Variants in INPP5A observed in about 807,000 individuals in gnomAD.
INPP5A encodes 43 kDa inositol polyphosphate 5-phophatase.
Under a neutral mutation model 65.2 loss-of-function variants are expected in INPP5A, and 14 were observed. The observed-to-expected ratio is 0.21, with a 90% CI of 0.14 to 0.34. The LOEUF (loss-of-function observed/expected upper bound fraction) is 0.34. INPP5A is among the 10% of genes least tolerant of loss of function. The pLI, the probability that INPP5A is intolerant of heterozygous loss-of-function variation, is 1.00. For missense variants in INPP5A, 431 were observed against 545.6 expected, an observed-to-expected ratio of 0.79 and a Z score of 2.09; for synonymous variants, 207 against 208.3, an observed-to-expected ratio of 0.99 and a Z score of 0.05.
chr10:132,673,793 C>T (rs1227089437), intron 4 of INPP5A, among the ~76,000 whole-genome samples: 1 of 152,218 alleles, frequency 6.6e-6, no homozygotes, highest in Non-Finnish European at 1.5e-5. Context: ...TCTGCCCTTC[C>T]CATGATGGAA....
intron 6 of INPP5A, 53 bp from the exon 7 acceptor site, chr10:132,708,260 G>A (rs1845570939): frequency 3.9e-6 from 6 of 1,545,520 alleles, no homozygotes; most frequent in Non-Finnish European, 5.4e-6. Context: ...GGACCCACGT[G>A]TTGCTCTTGC....
chr10:132,548,202 G>T (rs1198357996), intron 1 of INPP5A, among the ~76,000 whole-genome samples: 1 of 152,112 alleles, frequency 6.6e-6, no homozygotes, highest in African/African-American at 2.4e-5. Context: ...TTCGGGTTCT[G>T]CTCAAATGGG....
chr10:132,756,445 TGTC>T (rs1284545689), intron 11 of INPP5A, among the ~76,000 whole-genome samples: 42 of 148,626 alleles, frequency 2.8e-4, no homozygotes, highest in African/African-American at 3.4e-4. Flanking sequence ...CGTCACATAA[TGTC>T]GTTTCAGTCA....
intron 13 of INPP5A, among the ~76,000 whole-genome samples, chr10:132,779,281 G>A (rs1258786489): frequency 1.3e-5 from 2 of 152,250 alleles, no homozygotes; most frequent in African/African-American, 4.8e-5. Context: ...CCAGTCCCTC[G>A]GTGCCACATG....
At chr10:132,580,521 G>A (rs1372408093) in intron 1 of INPP5A, among the ~76,000 whole-genome samples, 1 of 152,244 alleles carries the variant, frequency 6.6e-6, no homozygotes, top group East Asian at 1.9e-4. Context: ...TCTCAGGTAA[G>A]TCTTCATGGC....
chr10:132,609,320 C>T (rs56092448), intron 2 of INPP5A, among the ~76,000 whole-genome samples: 13,312 of 152,288 alleles, frequency 0.087, 780 homozygotes, highest in East Asian at 0.23. Context: ...TTGAAGCTGC[C>T]GTGCCACCCC....
chr10:132,660,090 A>G (rs1038439722), intron 4 of INPP5A, among the ~76,000 whole-genome samples: 2 of 152,258 alleles, frequency 1.3e-5, no homozygotes, highest in African/African-American at 4.8e-5. Flanking sequence ...TGCGTGACAC[A>G]CGGCACATTA....
Position 132,545,116 on chromosome 10 carries a change from G to C in INPP5A, c.75+6945G>C, listed in dbSNP as rs974921246. Among the ~76,000 whole-genome samples the C allele has an allele frequency of 6.6e-6, 1 of 152,064 alleles. No individual in the cohort carries two copies. The highest frequency in any genetic ancestry group is 2.4e-5 in the African/African-American group (1 of 41,386). On this transcript the variant is annotated intron_variant, in intron 1 of 15. Transcript: ENST00000368594. This position sits in a 1 kb window ranked among gnomAD's most constrained non-coding sequence, Gnocchi z 4.6. Reference sequence around the variant, plus strand: ...CAGCACCACTGAGGAGTGTCTGTCCGTGTGGAGTTGTGGGGCAGGTGGAGC... The same window carrying C: ...CAGCACCACTGAGGAGTGTCTGTCCCTGTGGAGTTGTGGGGCAGGTGGAGC...
At chr10:132,719,832 C>T (rs541386730) in intron 8 of INPP5A, among the ~76,000 whole-genome samples, 1 of 149,602 alleles carries the variant, frequency 6.7e-6, no homozygotes, top group East Asian at 2.0e-4. Context: ...CCTTAGACGA[C>T]TGTCTTCAGG....
chr10:132,540,149 G>A (rs2133237839), intron 1 of INPP5A, among the ~76,000 whole-genome samples: 1 of 152,350 alleles, frequency 6.6e-6, no homozygotes. Flanking sequence ...GAAATGTCAG[G>A]AGCATTAAGC....
chr10:132,617,078 A>C (rs539913207), intron 2 of INPP5A, among the ~76,000 whole-genome samples: 1 of 152,140 alleles, frequency 6.6e-6, no homozygotes, highest in Non-Finnish European at 1.5e-5. Context: ...AAGATTCTGC[A>C]GGCTCTCTCT....
intron 12 of INPP5A, 54 bp downstream of exon 12, chr10:132,765,900 C>A: frequency 2.0e-6 from 2 of 1,012,176 alleles, no homozygotes; most frequent in South Asian, 1.3e-5. Context: ...GGCGTCTCCA[C>A]CCTCCCAGTC....
At chr10:132,639,725 T>C (rs2072402708) in intron 2 of INPP5A, among the ~76,000 whole-genome samples, 1 of 152,252 alleles carries the variant, frequency 6.6e-6, no homozygotes, top group South Asian at 2.1e-4. Context: ...GTAGAGTAGA[T>C]GTGATGCCAT....
At chr10:132,702,772 C>T (rs376255467) in intron 6 of INPP5A, among the ~76,000 whole-genome samples, 1 of 152,246 alleles carries the variant, frequency 6.6e-6, no homozygotes, top group Non-Finnish European at 1.5e-5. Context: ...ACAGTGTGCT[C>T]TGGGGCTCTG....
chr10:132,768,260 A>G, intron 12 of INPP5A, among the ~76,000 whole-genome samples: 1 of 141,690 alleles, frequency 7.1e-6, no homozygotes, highest in Non-Finnish European at 1.5e-5. Flanking sequence ...CCACGCGCCC[A>G]GTGGCATTCC....
intron 8 of INPP5A, among the ~76,000 whole-genome samples, chr10:132,719,305 G>C (rs1463817207): frequency 6.7e-6 from 1 of 150,158 alleles, no homozygotes; most frequent in Non-Finnish European, 1.5e-5. Flanking sequence ...GGTTCTGTCT[G>C]GGCGCCTTAG....
chr10:132,695,225 G>T (rs1251334999), intron 5 of INPP5A, among the ~76,000 whole-genome samples: 1 of 151,926 alleles, frequency 6.6e-6, no homozygotes, highest in Non-Finnish European at 1.5e-5. Context: ...CATCACAGCA[G>T]CAGGCAAAAG....
intron 1 of INPP5A, among the ~76,000 whole-genome samples, chr10:132,574,958 A>T (rs945585484): frequency 6.6e-6 from 1 of 152,152 alleles, no homozygotes; most frequent in Admixed American, 6.5e-5. Context: ...TTCTGGTGGT[A>T]AGGAGCTGTC....
At chr10:132,732,115 T>C (rs1219794656) in intron 9 of INPP5A, among the ~76,000 whole-genome samples, 1 of 152,262 alleles carries the variant, frequency 6.6e-6, no homozygotes, top group East Asian at 1.9e-4. Flanking sequence ...GGCTCTAGGA[T>C]GCTGCCCGCG....
Sources: gnomAD v4.1 joint callset for allele counts (sites outside exome capture counted in the v4.1 genomes callset) on GRCh38, gnomAD v4.1.1 for gene constraint, Gnocchi (gnomAD v3.1) non-coding constraint, MANE v1.5 for transcripts, NCBI Gene and HGNC (gene_info 2026-07-23, HGNC 2026-07-21) for gene names.